CRB1: variants seen among roughly 807,000 people sequenced by gnomAD.
The protein encoded by CRB1 is crumbs cell polarity complex component 1, also known as protein crumbs homolog 1.
A neutral mutation model predicts 120.0 loss-of-function variants in CRB1; 83 were observed. The ratio of observed to expected loss-of-function variants is 0.69; its 90% CI spans 0.58 to 0.83. The LOEUF is 0.83. CRB1 is among the 40% of genes least tolerant of loss of function. The pLI, the probability that CRB1 is intolerant of heterozygous loss-of-function variation, is 0.00. For missense variants in CRB1, 1,699 were observed against 1,687.6 expected, an observed-to-expected ratio of 1.01 and a Z score of -0.12; for synonymous variants, 625 against 612.5, an observed-to-expected ratio of 1.02 and a Z score of -0.30.
intron 1 of CRB1, among the ~76,000 whole-genome samples, chr1:197,299,363 G>A (rs1337170): frequency 0.35 from 52,495 of 151,894 alleles, 11,565 homozygotes; most frequent in East Asian, 0.78. Flanking sequence ...TGACAGACAT[G>A]TGGAACAACA....
intron 5 of CRB1, among the ~76,000 whole-genome samples, chr1:197,358,919 T>C (rs1479616295): frequency 1.3e-5 from 2 of 152,172 alleles, no homozygotes; most frequent in Non-Finnish European, 2.9e-5. Flanking sequence ...TTTGACACAA[T>C]AGCTAGAACT....
chr1:197,453,042 A>G (rs1037012052), intron 11 of CRB1, among the ~76,000 whole-genome samples: 11 of 152,032 alleles, frequency 7.2e-5, no homozygotes, highest in African/African-American at 2.7e-4. Flanking sequence ...ATTCAGCCTT[A>G]AAAAGAACAA....
At chr1:197,444,808 C>T (rs946110226) in intron 11 of CRB1, 2 of 151,904 alleles carry the variant, frequency 1.3e-5, no homozygotes, top group African/African-American at 2.4e-5. Context: ...AAAAATAAAA[C>T]CTTTGTTTCT....
chr1:197,402,064 G>T (rs915810928), intron 5 of CRB1, among the ~76,000 whole-genome samples: 2 of 151,258 alleles, frequency 1.3e-5, no homozygotes, highest in Non-Finnish European at 2.9e-5. Context: ...CTTTTATTTT[G>T]GGATTAGGAG....
intron 4 of CRB1, among the ~76,000 whole-genome samples, chr1:197,353,657 C>A (rs542843383): frequency 4.6e-5 from 7 of 151,760 alleles, no homozygotes; most frequent in East Asian, 1.9e-4. Flanking sequence ...AAAAATTAGC[C>A]GGGCATGGTG....
intron 3 of CRB1, 93 bp from the exon 4 acceptor site, chr1:197,347,247 G>C: frequency 8.8e-7 from 1 of 1,133,516 alleles, no homozygotes; most frequent in Non-Finnish European, 1.3e-6. Context: ...GATGCCATGG[G>C]TCTTGGGTTG....
At chr1:197,375,665 C>T (rs886713819) in intron 5 of CRB1, among the ~76,000 whole-genome samples, 1 of 152,160 alleles carries the variant, frequency 6.6e-6, no homozygotes, top group Admixed American at 6.5e-5. Flanking sequence ...ACAACATTCC[C>T]ACCTGAAGTT....
intron 8 of CRB1, among the ~76,000 whole-genome samples, chr1:197,432,544 C>T (rs577079303): frequency 6.6e-6 from 1 of 152,162 alleles, no homozygotes; most frequent in East Asian, 1.9e-4. Flanking sequence ...GAGTTATTTT[C>T]ATAGAGTATT....
At chr1:197,389,664 C>A (rs1223480808) in intron 5 of CRB1, among the ~76,000 whole-genome samples, 1 of 151,996 alleles carries the variant, frequency 6.6e-6, no homozygotes, top group Non-Finnish European at 1.5e-5. Flanking sequence ...GAACTCTATA[C>A]TTAAAATGAT....
chr1:197,470,756 C>G (rs942306774), intron 11 of CRB1, among the ~76,000 whole-genome samples: 1 of 152,228 alleles, frequency 6.6e-6, no homozygotes, highest in African/African-American at 2.4e-5. Context: ...TTTTACAGAT[C>G]TAATGCCTAT....
intron 8 of CRB1, among the ~76,000 whole-genome samples, chr1:197,431,465 A>G (rs1427363398): frequency 2.0e-5 from 3 of 152,198 alleles, no homozygotes; most frequent in Non-Finnish European, 2.9e-5. Context: ...TTCTAAAATA[A>G]TTTCTTAATT....
At chr1:197,311,543 C>T (rs1657519969) in intron 1 of CRB1, among the ~76,000 whole-genome samples, 1 of 152,054 alleles carries the variant, frequency 6.6e-6, no homozygotes, top group Admixed American at 6.6e-5. Context: ...ACTCTTGTTG[C>T]AACTACTTTA....
rs59691602 is a variant in CRB1, at chr1:197,328,450, G to A, written c.99G>A (p.Arg33=). 2.5e-6 allele frequency: 4 copies of A among 1,613,908 alleles called. No individual in the cohort carries two copies. The South Asian group carries it at 4.4e-5, about 18-fold the overall frequency. ...CCTTTTGCAATAAAAACAACACCAG[G>A]TGCCTCTCAAATTCTTGCCAAAACA... ...KNSFCNKNNT[R]CLSNSCQNNS... The change falls in exon 2 of 12, where the codon AGG becomes AGA. Residue 33 remains arginine (R), a synonymous_variant. Coordinates refer to ENST00000367400, the MANE Select transcript of CRB1 (RefSeq NM_201253.3).
chr1:197,278,728 G>A, intron 1 of CRB1, among the ~76,000 whole-genome samples: 1 of 151,370 alleles, frequency 6.6e-6, no homozygotes, highest in African/African-American at 2.4e-5. Context: ...CAACTTCCAG[G>A]GATCAATTTA....
At chr1:197,395,196 A>G (rs977542344) in intron 5 of CRB1, among the ~76,000 whole-genome samples, 1 of 152,184 alleles carries the variant, frequency 6.6e-6, no homozygotes, top group Non-Finnish European at 1.5e-5. Context: ...TTACTGTTCT[A>G]TCTCCATCAG....
intron 5 of CRB1, among the ~76,000 whole-genome samples, chr1:197,361,045 G>A (rs572354009): frequency 4.4e-4 from 67 of 152,206 alleles, no homozygotes; most frequent in African/African-American, 1.6e-3. Context: ...CTATTGATGT[G>A]GTAGATTGCT....
chr1:197,386,459 C>T (rs1571446251), intron 5 of CRB1, among the ~76,000 whole-genome samples: 1 of 152,118 alleles, frequency 6.6e-6, no homozygotes, highest in Admixed American at 6.6e-5. Context: ...GATGGAGTCT[C>T]CCTTAGCAGA....
At chr1:197,462,855 G>A (rs1666589421) in intron 11 of CRB1, among the ~76,000 whole-genome samples, 2 of 150,934 alleles carry the variant, frequency 1.3e-5, no homozygotes, top group Admixed American at 1.3e-4. Flanking sequence ...CATGTAATAT[G>A]CTGAGCTCAG....
intron 1 of CRB1, among the ~76,000 whole-genome samples, chr1:197,313,490 A>G (rs899488061): frequency 1.2e-4 from 18 of 152,244 alleles, no homozygotes; most frequent in Admixed American, 4.6e-4. Flanking sequence ...ATCTAAAAAT[A>G]TGCAGTAAAT....
Sources: allele counts gnomAD v4.1 joint callset (sites outside exome capture counted in the v4.1 genomes callset), GRCh38; gene constraint gnomAD v4.1.1; transcripts MANE v1.5; gene names NCBI Gene and HGNC (gene_info 2026-07-23, HGNC 2026-07-21).